IGSF5: variants seen among roughly 807,000 people sequenced by gnomAD.
IGSF5 encodes immunoglobulin superfamily member 5.
Under a neutral mutation model 39.4 loss-of-function variants are expected in IGSF5, and 41 were observed. The ratio of observed to expected loss-of-function variants is 1.04; its 90% CI spans 0.81 to 1.35. IGSF5 has a LOEUF of 1.35. Ranked by LOEUF, IGSF5 falls within the 40% of genes most tolerant of loss-of-function variation. IGSF5 has a pLI of 0.00. For synonymous variants in IGSF5, 183 were observed against 175.3 expected (o/e 1.04, Z -0.34); for missense variants, 487 against 494.6 (o/e 0.98, Z 0.15).
chr21:39,719,821 C>T, the IGSF5 span, among the ~76,000 whole-genome samples: 1 of 152,364 alleles, frequency 6.6e-6, no homozygotes, highest in African/African-American at 2.4e-5. Flanking sequence ...CTGCTCTGTG[C>T]TCCAGCCACT....
intron 2 of IGSF5, among the ~76,000 whole-genome samples, chr21:39,752,380 G>C (rs943809991): frequency 6.6e-6 from 1 of 152,082 alleles, no homozygotes; most frequent in African/African-American, 2.4e-5. Flanking sequence ...AGTCCATGGT[G>C]TATATATACC....
At chr21:39,790,960 A>T (rs1422426658) in intron 6 of IGSF5, among the ~76,000 whole-genome samples, 1 of 152,212 alleles carries the variant, frequency 6.6e-6, no homozygotes, top group African/African-American at 2.4e-5. Context: ...ATATGGGAGG[A>T]TGTGTGTATG....
At chr21:39,739,922 A>G in the IGSF5 span, among the ~76,000 whole-genome samples, 2 of 152,198 alleles carry the variant, frequency 1.3e-5, no homozygotes, top group African/African-American at 4.8e-5. Context: ...TCTTTGGCAC[A>G]CTTTACAGGC....
the IGSF5 span, among the ~76,000 whole-genome samples, chr21:39,717,588 T>G: frequency 1.3e-5 from 2 of 152,192 alleles, no homozygotes; most frequent in African/African-American, 4.8e-5. Context: ...CACCACTTAT[T>G]GAGTAGGGAG....
At chr21:39,747,179 A>C (rs1378134645) in intron 2 of IGSF5, among the ~76,000 whole-genome samples, 1 of 152,234 alleles carries the variant, frequency 6.6e-6, no homozygotes, top group Non-Finnish European at 1.5e-5. Context: ...GAGGCCTCAC[A>C]ATCATGGCCG....
chr21:39,799,417 G>A (rs896408690), intron 8 of IGSF5, among the ~76,000 whole-genome samples: 2 of 152,164 alleles, frequency 1.3e-5, no homozygotes, highest in African/African-American at 2.4e-5. Flanking sequence ...TTGGGCCTCC[G>A]CCAGGCTTGC....
chr21:39,746,318 G>C lies in IGSF5; in HGVS notation c.100+20G>C, dbSNP rs2079974558. ...TGGACGGTGAGTGAAAGCTCAGCTC[G>C]AGCCGTAACAAACACGGACCAGAAG... On this transcript the variant is annotated intron_variant, in intron 2 of 8. Transcript: ENST00000380588. 7.1e-6 allele frequency: 5 copies of C among 700,724 alleles called. No homozygotes were observed. The highest frequency in any genetic ancestry group is 2.7e-5 in the East Asian group (1 of 37,284). The allele number at this position is 700,724 out of a possible 1,614,324, so 43.4% of individuals were successfully genotyped here.
At chr21:39,773,796 T>A (rs73217284) in intron 4 of IGSF5, among the ~76,000 whole-genome samples, 13,204 of 152,214 alleles carry the variant, frequency 0.087, 626 homozygotes, top group South Asian at 0.16. Flanking sequence ...GAGAAGATTT[T>A]AAAAAAATCC....
intron 6 of IGSF5, among the ~76,000 whole-genome samples, chr21:39,789,333 C>T (rs978997826): frequency 6.6e-6 from 1 of 152,196 alleles, no homozygotes; most frequent in African/African-American, 2.4e-5. Context: ...GCTAGTATAT[C>T]TTGAGTGCCT....
At position 39,779,210 on chromosome 21, in the gene IGSF5, C is replaced by A. The variant is rs749337072; in HGVS notation, c.839C>A (p.Thr280Lys). 1 of 1,614,104 alleles carries A rather than the reference C, an allele frequency of 6.2e-7. No individual in the cohort carries two copies. ...GLAGTMLLTP[T>K]CTLTIRCCCC... Reference sequence around the variant, plus strand: ...GCAGGCACCATGCTTCTGACGCCGACGTGTACTCTTACAATACGCTGCTGC... The same window carrying A: ...GCAGGCACCATGCTTCTGACGCCGAAGTGTACTCTTACAATACGCTGCTGC... Residue 280 changes from threonine to lysine, a missense_variant, in exon 5 of 9, where the codon ACG becomes AAG. Thr to Lys is a moderately conservative substitution (Grantham distance 78). Coordinates refer to ENST00000380588, the MANE Select transcript of IGSF5 (RefSeq NM_001080444.2).
At chr21:39,764,819 G>A (rs1418575082) in intron 2 of IGSF5, among the ~76,000 whole-genome samples, 1 of 152,240 alleles carries the variant, frequency 6.6e-6, no homozygotes, top group African/African-American at 2.4e-5. Flanking sequence ...AGAAGCCACG[G>A]TATGTGGTCT....
chr21:39,771,054 G>T lies in IGSF5; in HGVS notation c.557G>T (p.Ser186Ile). Residue 186 changes from serine to isoleucine, a missense_variant, in exon 4 of 9, where the codon AGC (serine) becomes ATC (isoleucine). Physicochemically the swap from Ser to Ile is moderately radical, Grantham distance 142. Transcript: ENST00000380588. Reference sequence around the variant, plus strand: ...CTCGGTCTCCTGGTCAGCCATTCAAGCTATTATTTTGTTCCGGAGCCCAGC... The same window carrying T: ...CTCGGTCTCCTGGTCAGCCATTCAATCTATTATTTTGTTCCGGAGCCCAGC... ...WELGLLVSHS[S>I]YYFVPEPSDL... The T allele has an allele frequency of 6.2e-7, 1 of 1,613,768 alleles. No individual in the cohort carries two copies. Among genetic ancestry groups the T allele is most frequent in the East Asian group, 2.2e-5 (1 of 44,858 alleles).
At chr21:39,737,913 G>A in the IGSF5 span, among the ~76,000 whole-genome samples, 3 of 152,160 alleles carry the variant, frequency 2.0e-5, no homozygotes, top group Non-Finnish European at 2.9e-5. Flanking sequence ...GCTAGAGTTC[G>A]GCTATGGGAA....
intron 2 of IGSF5, among the ~76,000 whole-genome samples, chr21:39,763,546 C>T (rs2080071129): frequency 6.6e-6 from 1 of 152,188 alleles, no homozygotes; most frequent in Non-Finnish European, 1.5e-5. Flanking sequence ...TAAAGACTGG[C>T]CTTGGAGTGA....
the IGSF5 span, among the ~76,000 whole-genome samples, chr21:39,712,983 A>AG: frequency 1.3e-5 from 2 of 152,202 alleles, no homozygotes; most frequent in African/African-American, 4.8e-5. Context: ...ATTGGGAAGA[A>AG]GTCCCTCATT....
intron 2 of IGSF5, among the ~76,000 whole-genome samples, chr21:39,746,812 T>C (rs1418010969): frequency 1.3e-5 from 2 of 152,218 alleles, no homozygotes; most frequent in African/African-American, 4.8e-5. Context: ...TAGCTATCAT[T>C]GTTTTTATTG....
In IGSF5 at chr21:39,793,588, A is replaced by G; in HGVS notation, c.1103A>G (p.Asn368Ser). Residue 368 changes from asparagine to serine, a missense_variant, in exon 8 of 9, where the codon AAC becomes AGC. Physicochemically the swap from Asn to Ser is conservative, Grantham distance 46 (BLOSUM62 1). Transcript: ENST00000380588. Reference protein sequence around the residue: ...SCESSDPEQRNSSCGPPHQRA... With the variant: ...SCESSDPEQRSSSCGPPHQRA... ...GAATCCAGTGATCCTGAACAAAGAAACAGTAGCTGTGGCCCTCCTCACCAG... is the reference window on the plus strand; with the variant it reads ...GAATCCAGTGATCCTGAACAAAGAAGCAGTAGCTGTGGCCCTCCTCACCAG... The G allele has an allele frequency of 1.2e-6, 2 of 1,613,966 alleles. No homozygotes were observed. The highest frequency in any genetic ancestry group is 1.7e-6 in the Non-Finnish European group (2 of 1,179,882).
chr21:39,752,534 A>G (rs2080010697), intron 2 of IGSF5, among the ~76,000 whole-genome samples: 1 of 152,202 alleles, frequency 6.6e-6, no homozygotes, highest in Non-Finnish European at 1.5e-5. Flanking sequence ...ATACCCAGTA[A>G]TGGGATTGCT....
In IGSF5 at chr21:39,771,182, A is replaced by G. The variant is rs2080112709; in HGVS notation, c.685A>G (p.Thr229Ala). Residue 229 changes from threonine (T) to alanine (A), a missense_variant, in exon 4 of 9, where the codon ACT becomes GCT. Transcript: ENST00000380588. ...GAGCCTGAAGGCCCGCAAGTCTGCA[A>G]CTGTAAATCTCACTGTGATTCGGTG... ...WKSLKARKSA[T>A]VNLTVIRCPQ... 2 of 1,590,676 alleles carry G rather than the reference A, an allele frequency of 1.3e-6. No individual in the cohort carries two copies. Among genetic ancestry groups the G allele is most frequent in the Non-Finnish European group, 1.7e-6 (2 of 1,165,786 alleles).
Sources: gnomAD v4.1 joint callset for allele counts (sites outside exome capture counted in the v4.1 genomes callset) on GRCh38, gnomAD v4.1.1 for gene constraint, MANE v1.5 for transcripts, NCBI Gene and HGNC (gene_info 2026-07-23, HGNC 2026-07-21) for gene names.